Variants in DACT2 observed in about 807,000 individuals in gnomAD.
DACT2 encodes dishevelled binding antagonist of beta catenin 2.
Under a neutral mutation model 22.2 loss-of-function variants are expected in DACT2, and 20 were observed. The observed-to-expected ratio is 0.90, with a 90% CI of 0.63 to 1.31. DACT2 has a LOEUF of 1.31. DACT2 is among the 50% of genes most tolerant of loss of function. DACT2 has a pLI of 0.00. For synonymous variants in DACT2, 463 were observed against 479.8 expected, an observed-to-expected ratio of 0.96 and a Z score of 0.46; for missense variants, 1,048 against 1,061.4, an observed-to-expected ratio of 0.99 and a Z score of 0.18.
downstream of DACT2, among the ~76,000 whole-genome samples, chr6:168,303,475 G>A (rs1013230543): frequency 7.2e-5 from 11 of 152,054 alleles, no homozygotes; most frequent in East Asian, 1.9e-4. Flanking sequence ...TGGCTTCCTC[G>A]GCTTCTGTCT....
chr6:168,309,453 G>GACACAGGGTGCGGGGCCGTTTGCGTGTAT, intron 3 of DACT2, among the ~76,000 whole-genome samples: 1 of 152,156 alleles, frequency 6.6e-6, no homozygotes, highest in South Asian at 2.1e-4. Context: ...TTTGCGTGTA[G>GACACAGGGTGCGGGGCCGTTTGCGTGTAT]ACACAGGGTG....
Position 168,307,141 on chromosome 6 carries a change from A to G in DACT2, c.*291T>C. ...ATGGGAGGATGACAACATGGAAACA[A>G]GGTGCATGCCGGGAAGCAGCATCCT... On this transcript the variant is annotated 3_prime_UTR_variant, in exon 4 of 4. Transcript: ENST00000366795. This position sits in a 1 kb window ranked among gnomAD's most constrained non-coding sequence, Gnocchi z 5.3. The G allele has an allele frequency of 8.2e-7, 1 of 1,212,690 alleles. No homozygotes were observed. The highest frequency in any genetic ancestry group is 1.0e-6 in the Non-Finnish European group (1 of 971,674). The allele number at this position is 1,212,690 out of a possible 1,614,324, so 75.1% of individuals were successfully genotyped here.
At chr6:168,294,745 A>G in intron 3 of DACT2, 1 of 1,060,942 alleles carries the variant, frequency 9.4e-7, no homozygotes, top group Non-Finnish European at 1.3e-6. Context: ...GAGCTACAGA[A>G]CACACCTGCA....
intron 1 of DACT2, among the ~76,000 whole-genome samples, chr6:168,313,491 C>G (rs1215685277): frequency 2.0e-5 from 3 of 152,168 alleles, no homozygotes; most frequent in African/African-American, 4.8e-5. Context: ...AACCACTATC[C>G]AAGTGAATAG....
At chr6:168,300,847 G>A (rs1008921178) in intron 3 of DACT2, among the ~76,000 whole-genome samples, 6 of 152,042 alleles carry the variant, frequency 3.9e-5, no homozygotes, top group Admixed American at 1.3e-4. Flanking sequence ...TTAGCCAGGC[G>A]TGGTGGCAGG....
At chr6:168,294,561 ATG>A (rs200833162) in intron 4 of DACT2, 5,213 of 427,770 alleles carry the variant, frequency 0.012, 137 homozygotes, top group East Asian at 0.05. Flanking sequence ...GTGTGTGTGT[ATG>A]TGTGTGTGTG....
At chr6:168,297,164 G>A (rs1025306071) in intron 3 of DACT2, among the ~76,000 whole-genome samples, 4 of 152,318 alleles carry the variant, frequency 2.6e-5, no homozygotes, top group Middle Eastern at 3.4e-3. Flanking sequence ...GAGAAAGTTG[G>A]AAGTCTTGGG....
intron 3 of DACT2, among the ~76,000 whole-genome samples, chr6:168,309,474 T>TGCGTGTAGACACAGGGTGCGGGGCCGC (rs1260903615): frequency 6.6e-6 from 1 of 152,224 alleles, no homozygotes; most frequent in African/African-American, 2.4e-5. Context: ...CGGGGCCCTA[T>TGCGTGTAGACACAGGGTGCGGGGCCGC]TTGCGCCTGC....
chr6:168,306,988 G>A lies in DACT2; in HGVS notation c.*444C>T, dbSNP rs1315470327. 1.0e-6 allele frequency: 1 copy of A among 999,262 alleles called. No individual in the cohort carries two copies. The highest frequency in any genetic ancestry group is 1.7e-5 in the African/African-American group (1 of 57,466). The allele number at this position is 999,262 out of a possible 1,614,324, so 61.9% of individuals were successfully genotyped here. A position where few individuals can be genotyped will look rare whatever the true frequency, so the allele number is the denominator to read the frequency against. On this transcript the variant is annotated 3_prime_UTR_variant, in exon 4 of 4. Transcript: ENST00000366795. ...GTGTATGCTGACAGCTTAACGTGGA[G>A]TTTAAACTCAAATTCAATTTCCAGC...
intron 1 of DACT2, among the ~76,000 whole-genome samples, chr6:168,311,761 T>C (rs1392555867): frequency 6.6e-6 from 1 of 152,214 alleles, no homozygotes; most frequent in Non-Finnish European, 1.5e-5. Flanking sequence ...TACATTTCTT[T>C]ATAAGGATAC....
chr6:168,319,616 T>C lies in DACT2; in HGVS notation c.18A>G (p.Gly6=). 1 of 1,302,878 alleles carries C rather than the reference T, an allele frequency of 7.7e-7. No homozygotes were observed. The highest frequency in any genetic ancestry group is 9.8e-7 in the Non-Finnish European group (1 of 1,024,240). The allele number at this position is 1,302,878 out of a possible 1,614,324, so 80.7% of individuals were successfully genotyped here. The change falls in exon 1 of 4, where the codon GGA becomes GGG. Residue 6 remains glycine, a synonymous_variant. Transcript: ENST00000366795. MWTPG[G]PPGSAGWDRR... ...GGTCCCAGCCCGCGGACCCCGGGGG[T>C]CCGCCCGGCGTCCACATCTCCCGGG...
At chr6:168,311,117 G>C (rs899519) in intron 2 of DACT2, 35 bp downstream of exon 2, 284,454 of 1,495,640 alleles carry the variant, frequency 0.19, 32,372 homozygotes, top group East Asian at 0.58. Context: ...CTGCGTGCCT[G>C]CCCCTGTGTC....
At chr6:168,301,003 A>T (rs1339534172) in intron 3 of DACT2, among the ~76,000 whole-genome samples, 1 of 151,658 alleles carries the variant, frequency 6.6e-6, no homozygotes, top group East Asian at 1.9e-4. Flanking sequence ...ACAAACAAAC[A>T]AACAAAAAAA....
At chr6:168,309,329 T>C (rs545998558) in intron 3 of DACT2, among the ~76,000 whole-genome samples, 1 of 151,788 alleles carries the variant, frequency 6.6e-6, no homozygotes, top group South Asian at 2.1e-4. Context: ...CAGACGGGAA[T>C]GCGTTTAGAC....
intron 3 of DACT2, among the ~76,000 whole-genome samples, chr6:168,295,601 G>C (rs1015328967): frequency 3.9e-5 from 6 of 152,192 alleles, no homozygotes. Context: ...TTACTGAGGT[G>C]CATAGAATAG....
intron 1 of DACT2, among the ~76,000 whole-genome samples, chr6:168,312,582 T>C (rs1779448497): frequency 6.6e-6 from 1 of 152,224 alleles, no homozygotes; most frequent in Admixed American, 6.5e-5. Context: ...AAAGGGTTTA[T>C]AATGAGCATG....
chr6:168,311,322 T>C, intron 1 of DACT2, 38 bp from the exon 2 acceptor site: 1 of 1,511,266 alleles, frequency 6.6e-7, no homozygotes, highest in East Asian at 2.5e-5. Context: ...CTGTTGTACC[T>C]ATGGAAAGCA....
chr6:168,297,461 A>G (rs4708454), intron 3 of DACT2, among the ~76,000 whole-genome samples: 124,900 of 152,138 alleles, frequency 0.82, 51,651 homozygotes, highest in East Asian at 0.95. Context: ...CAGCTTTCAC[A>G]GTGGAAGAGG....
rs371862691 is a variant in DACT2, at chr6:168,311,617, C to A, written c.247-333G>T. On this transcript the variant is annotated intron_variant, in intron 1 of 3. Transcript: ENST00000366795. The stretch of plus-strand genomic sequence containing the variant: ...ACACATACACACACACTCACACAAA[C>A]ACACACACACCCATCCACACACACA... Among the ~76,000 whole-genome samples the A allele has an allele frequency of 2.7e-3, 232 of 85,796 alleles. 1 individual carries two copies. The highest frequency in any genetic ancestry group is 6.3e-3 in the East Asian group (9 of 1,430). 56.3% of individuals were successfully genotyped at this position (85,796 alleles called of 152,430 possible).
Sources: allele counts gnomAD v4.1 joint callset (sites outside exome capture counted in the v4.1 genomes callset), GRCh38; gene constraint gnomAD v4.1.1; non-coding constraint Gnocchi (gnomAD v3.1); transcripts MANE v1.5; gene names NCBI Gene and HGNC (gene_info 2026-07-23, HGNC 2026-07-21).